The following MACROD2 variants were observed in gnomAD, a reference collection of about 807,000 sequenced individuals.
MACROD2 encodes ADP-ribose glycohydrolase MACROD2.
In MACROD2, 36 loss-of-function variants were observed where a neutral mutation model predicts 70.4. The ratio of observed to expected loss-of-function variants is 0.51; its 90% CI spans 0.39 to 0.68. The LOEUF (loss-of-function observed/expected upper bound fraction) is 0.68. MACROD2 is among the 30% of genes least tolerant of loss of function. The pLI, the probability that MACROD2 is intolerant of heterozygous loss-of-function variation, is 0.00. For synonymous variants in MACROD2, 172 were observed against 178.8 expected (o/e 0.96, Z 0.30); for missense variants, 496 against 538.4 (o/e 0.92, Z 0.78).
At chr20:15,636,853 G>A (rs936174608) in intron 8 of MACROD2, among the ~76,000 whole-genome samples, 5 of 152,052 alleles carry the variant, frequency 3.3e-5, no homozygotes, top group Non-Finnish European at 7.4e-5. Context: ...GAGGGGATGA[G>A]CTGTCACATG....
chr20:14,413,516 A>AT (rs1233766566), intron 3 of MACROD2, among the ~76,000 whole-genome samples: 1 of 152,050 alleles, frequency 6.6e-6, no homozygotes, highest in African/African-American at 2.4e-5. Context: ...GACATAAATA[A>AT]TTTTTTGTTG....
At chr20:15,199,020 T>C (rs1249898944) in intron 5 of MACROD2, among the ~76,000 whole-genome samples, 7 of 151,100 alleles carry the variant, frequency 4.6e-5, no homozygotes, top group Admixed American at 4.6e-4. Flanking sequence ...TTTTTTTTTT[T>C]TTTTGTACGT....
At chr20:15,941,970 A>G (rs6080037) in intron 12 of MACROD2, among the ~76,000 whole-genome samples, 2,540 of 152,314 alleles carry the variant, frequency 0.017, 42 homozygotes, top group Non-Finnish European at 0.026. Context: ...AGTATTGAAA[A>G]CAAACAAATA....
At chr20:14,704,898 A>T (rs796232893) in intron 5 of MACROD2, among the ~76,000 whole-genome samples, 1 of 152,000 alleles carries the variant, frequency 6.6e-6, no homozygotes, top group Non-Finnish European at 1.5e-5. Flanking sequence ...TGAGACAGCT[A>T]GGTGTTAGCT....
At chr20:15,364,078 G>A (rs2078384116) in intron 6 of MACROD2, among the ~76,000 whole-genome samples, 1 of 152,122 alleles carries the variant, frequency 6.6e-6, no homozygotes, top group South Asian at 2.1e-4. Context: ...CCAGATGTGA[G>A]CCTGACTTTA....
At chr20:14,540,642 A>G (rs1428792618) in intron 4 of MACROD2, among the ~76,000 whole-genome samples, 1 of 152,160 alleles carries the variant, frequency 6.6e-6, no homozygotes, top group Non-Finnish European at 1.5e-5. Flanking sequence ...ATCTGGCATG[A>G]TGGGTGACAA....
At chr20:15,495,524 C>G (rs531494697) in intron 7 of MACROD2, among the ~76,000 whole-genome samples, 1 of 152,164 alleles carries the variant, frequency 6.6e-6, no homozygotes, top group Non-Finnish European at 1.5e-5. Flanking sequence ...ATCCCTTCCT[C>G]CTCCCCATAC....
chr20:14,494,994 G>A (rs1162208540), intron 4 of MACROD2, among the ~76,000 whole-genome samples: 5 of 152,092 alleles, frequency 3.3e-5, no homozygotes, highest in Non-Finnish European at 5.9e-5. Flanking sequence ...AGTTAAAATT[G>A]AGTCTATGTA....
chr20:14,839,638 G>A (rs944177386), intron 5 of MACROD2, among the ~76,000 whole-genome samples: 2 of 152,062 alleles, frequency 1.3e-5, no homozygotes, highest in African/African-American at 4.8e-5. Flanking sequence ...AACTGACAGT[G>A]ATTTGGAGGC....
At chr20:14,192,115 G>T (rs11908401) in intron 3 of MACROD2, among the ~76,000 whole-genome samples, 27,091 of 152,060 alleles carry the variant, frequency 0.18, 2,586 homozygotes, top group South Asian at 0.24. Flanking sequence ...AAATGTTAGT[G>T]CCTTCATTCT....
intron 4 of MACROD2, among the ~76,000 whole-genome samples, chr20:14,616,341 C>T (rs1183137604): frequency 2.6e-5 from 4 of 152,128 alleles, no homozygotes; most frequent in Admixed American, 2.6e-4. Flanking sequence ...CATCCACCTT[C>T]TATCTTCCTT....
chr20:14,342,991 C>T (rs943032349), intron 3 of MACROD2, among the ~76,000 whole-genome samples: 1 of 152,022 alleles, frequency 6.6e-6, no homozygotes, highest in African/African-American at 2.4e-5. Context: ...AGAAAAAGCA[C>T]CTCCTTGGCC....
chr20:15,560,699 G>T (rs964231777), intron 8 of MACROD2, among the ~76,000 whole-genome samples: 1 of 142,148 alleles, frequency 7.0e-6, no homozygotes, highest in Non-Finnish European at 1.5e-5. Context: ...GAAGGCAGAG[G>T]TTGCAGCAGG....
At chr20:15,649,127 C>T (rs1401192591) in intron 8 of MACROD2, among the ~76,000 whole-genome samples, 2 of 123,110 alleles carry the variant, frequency 1.6e-5, no homozygotes, top group African/African-American at 3.0e-5. Context: ...CCTCCCCTCC[C>T]TTCCCTTCCC....
intron 3 of MACROD2, among the ~76,000 whole-genome samples, chr20:14,438,209 C>A (rs1442623351): frequency 6.6e-6 from 1 of 152,142 alleles, no homozygotes; most frequent in African/African-American, 2.4e-5. Context: ...AGCATAATGT[C>A]TTCCAGGTCT....
chr20:15,175,155 AT>A (rs1246901534), intron 5 of MACROD2, among the ~76,000 whole-genome samples: 2 of 151,992 alleles, frequency 1.3e-5, no homozygotes, highest in African/African-American at 4.8e-5. Flanking sequence ...GGAAATCATC[AT>A]TCTCAGTAAA....
At chr20:14,745,799 G>C (rs1440677247) in intron 5 of MACROD2, among the ~76,000 whole-genome samples, 1 of 152,000 alleles carries the variant, frequency 6.6e-6, no homozygotes, top group Non-Finnish European at 1.5e-5. Flanking sequence ...TACCTCATTG[G>C]GACCCTTCAG....
intron 5 of MACROD2, among the ~76,000 whole-genome samples, chr20:14,752,381 C>CA (rs200764855): frequency 0.082 from 12,222 of 148,912 alleles, 768 homozygotes; most frequent in African/African-American, 0.17. Context: ...TTATAGAAGC[C>CA]AAAAAAAAAT....
intron 3 of MACROD2, among the ~76,000 whole-genome samples, chr20:14,334,676 G>C (rs2082905311): frequency 6.6e-6 from 1 of 151,842 alleles, no homozygotes; most frequent in Non-Finnish European, 1.5e-5. Flanking sequence ...GGGAGGGAAG[G>C]GGGAAGGAGG....
Sources: gnomAD v4.1 joint callset for allele counts (sites outside exome capture counted in the v4.1 genomes callset) on GRCh38, gnomAD v4.1.1 for gene constraint, MANE v1.5 for transcripts, NCBI Gene and HGNC (gene_info 2026-07-23, HGNC 2026-07-21) for gene names.